SAE1: variants seen among roughly 807,000 people sequenced by gnomAD.
SAE1 encodes SUMO-activating enzyme subunit 1.
Under a neutral mutation model 40.6 loss-of-function variants are expected in SAE1, and 11 were observed. That is an observed-to-expected ratio of 0.27 (90% confidence interval 0.17 to 0.45). The LOEUF (loss-of-function observed/expected upper bound fraction) is 0.45, where lower values mean the gene tolerates loss of function less well. SAE1 is among the 20% of genes least tolerant of loss of function. The pLI is 1.00. For missense variants in SAE1, 373 were observed against 427.3 expected, an observed-to-expected ratio of 0.87 and a Z score of 1.12; for synonymous variants, 155 against 154.3, an observed-to-expected ratio of 1.00 and a Z score of -0.03.
chr19:47,137,869 C>T (rs1376564849), intron 1 of SAE1, among the ~76,000 whole-genome samples: 1 of 151,774 alleles, frequency 6.6e-6, no homozygotes, highest in Admixed American at 6.6e-5. Flanking sequence ...GCTCGGATTA[C>T]AGGCGCGTGC....
At chr19:47,154,014 C>T (rs2058304333) in intron 4 of SAE1, among the ~76,000 whole-genome samples, 1 of 151,992 alleles carries the variant, frequency 6.6e-6, no homozygotes, top group South Asian at 2.1e-4. Flanking sequence ...TGGTCTTGAA[C>T]TCCGGACCTC....
chr19:47,196,850 AATT>A (rs1430150658), intron 6 of SAE1, among the ~76,000 whole-genome samples: 1 of 151,814 alleles, frequency 6.6e-6, no homozygotes, highest in Non-Finnish European at 1.5e-5. Flanking sequence ...TTGCTTTTAT[AATT>A]ATTGGATTGC....
At chr19:47,144,159 CTCTG>C (rs962087207) in intron 2 of SAE1, among the ~76,000 whole-genome samples, 15 of 151,928 alleles carry the variant, frequency 9.9e-5, no homozygotes, top group Admixed American at 3.9e-4. Flanking sequence ...CATGGCAAAA[CTCTG>C]TCTGTACTCA....
At chr19:47,206,079 G>T (rs988831624) in intron 8 of SAE1, among the ~76,000 whole-genome samples, 2 of 152,222 alleles carry the variant, frequency 1.3e-5, no homozygotes, top group African/African-American at 4.8e-5. Context: ...GGGGCAGGTA[G>T]CCTTGACCCC....
intron 5 of SAE1, among the ~76,000 whole-genome samples, chr19:47,160,286 ATC>A (rs2058351415): frequency 7.5e-6 from 1 of 134,032 alleles, no homozygotes; most frequent in Non-Finnish European, 1.5e-5. Flanking sequence ...CAATGGTGCG[ATC>A]TCGGCTCACT....
chr19:47,162,725 T>A (rs527866648), intron 5 of SAE1, among the ~76,000 whole-genome samples: 28 of 152,300 alleles, frequency 1.8e-4, no homozygotes, highest in South Asian at 6.2e-4. Flanking sequence ...GTGCAGTGGC[T>A]CATGCCTGTA....
chr19:47,160,830 A>T (rs536088075), intron 5 of SAE1, among the ~76,000 whole-genome samples: 1 of 152,262 alleles, frequency 6.6e-6, no homozygotes, highest in East Asian at 1.9e-4. Context: ...CTCCTGGCCA[A>T]TCCTGCTAAT....
intron 6 of SAE1, among the ~76,000 whole-genome samples, chr19:47,186,972 C>G (rs1265712112): frequency 6.6e-6 from 1 of 152,160 alleles, no homozygotes; most frequent in African/African-American, 2.4e-5. Context: ...CTGGGGCTGT[C>G]TGGGTCGCTT....
At chr19:47,137,541 TGCAGTGAC>T (rs1430971916) in intron 1 of SAE1, among the ~76,000 whole-genome samples, 9 of 152,138 alleles carry the variant, frequency 5.9e-5, no homozygotes, top group African/African-American at 2.2e-4. Flanking sequence ...CAGGCTGGAG[TGCAGTGAC>T]GCAGTGACGT....
Position 47,209,301 on chromosome 19 carries a change from T to C in SAE1, c.*50T>C, listed in dbSNP as rs1227814994. Reference sequence around the variant, plus strand: ...ATGCCAACTGCAGCATGCCCACCTGTATTCCCTGTCCCCTTCCTTCATGAA... The same window carrying C: ...ATGCCAACTGCAGCATGCCCACCTGCATTCCCTGTCCCCTTCCTTCATGAA... On this transcript the variant is annotated 3_prime_UTR_variant, in exon 9 of 9. Transcript: ENST00000270225. 1.2e-6 allele frequency: 2 copies of C among 1,613,948 alleles called. No individual in the cohort carries two copies. The highest frequency in any genetic ancestry group is 3.3e-5 in the Admixed American group (2 of 59,980).
chr19:47,191,748 G>A (rs1241557678), intron 6 of SAE1, among the ~76,000 whole-genome samples: 7 of 151,890 alleles, frequency 4.6e-5, no homozygotes, highest in Non-Finnish European at 5.9e-5. Context: ...TTCATCTTTT[G>A]GTTTGAAAAC....
chr19:47,208,802 C>G (rs1263095018), intron 8 of SAE1, among the ~76,000 whole-genome samples: 1 of 152,206 alleles, frequency 6.6e-6, no homozygotes, highest in Admixed American at 6.5e-5. Context: ...AGTGATTCTC[C>G]CACCTCAGCC....
intron 6 of SAE1, among the ~76,000 whole-genome samples, chr19:47,175,589 T>G (rs1488042516): frequency 6.6e-6 from 1 of 151,988 alleles, no homozygotes; most frequent in Non-Finnish European, 1.5e-5. Flanking sequence ...AACACAAAAA[T>G]TAGCCAGGCA....
chr19:47,191,615 G>C (rs538903002), intron 6 of SAE1, among the ~76,000 whole-genome samples: 1 of 152,258 alleles, frequency 6.6e-6, no homozygotes, highest in African/African-American at 2.4e-5. Context: ...ACAGTGGCAG[G>C]AACCCTGTGC....
rs538020690 is a variant in SAE1, at chr19:47,138,280, G to A, written c.99-5214G>A. 9.9e-5 allele frequency among the ~76,000 whole-genome samples: 15 copies of A among 152,206 alleles called. No homozygotes were observed. The South Asian group carries it at 3.1e-3, about 32-fold the overall frequency. ...GGTGGTCTTGAACTCCTGACCTCAG[G>A]TGATCTACCCGCCTCAGCCTCCTTA... On this transcript the variant is annotated intron_variant, in intron 1 of 8. Coordinates refer to ENST00000270225, the MANE Select transcript of SAE1 (RefSeq NM_005500.3).
intron 6 of SAE1, among the ~76,000 whole-genome samples, chr19:47,170,605 T>G (rs1363706749): frequency 6.6e-6 from 1 of 151,142 alleles, no homozygotes; most frequent in Non-Finnish European, 1.5e-5. Context: ...TTCCTGGGCT[T>G]AAGTGCTCCC....
chr19:47,199,176 G>A (rs1457145362), intron 7 of SAE1, among the ~76,000 whole-genome samples: 1 of 151,988 alleles, frequency 6.6e-6, no homozygotes, highest in African/African-American at 2.4e-5. Context: ...CATGAGGTCA[G>A]GAGATTGAGA....
chr19:47,205,973 C>A lies in SAE1; in HGVS notation c.948+2233C>A, dbSNP rs2058684697. On this transcript the variant is annotated intron_variant, in intron 8 of 8. Coordinates refer to ENST00000270225, the MANE Select transcript of SAE1 (RefSeq NM_005500.3). The stretch of plus-strand genomic sequence containing the variant: ...ACCATCATGTAGAGACTGCATGGAC[C>A]CCAGGGCCGCTGCCCTTGCATTGTC... Among the ~76,000 whole-genome samples, 4 of 152,194 alleles carry A rather than the reference C, an allele frequency of 2.6e-5. No homozygotes were observed. In the South Asian group the frequency reaches 8.3e-4, roughly 32 times the overall value.
chr19:47,156,500 CTGTT>C (rs2058325775), intron 5 of SAE1, among the ~76,000 whole-genome samples: 1 of 151,950 alleles, frequency 6.6e-6, no homozygotes, highest in African/African-American at 2.4e-5. Flanking sequence ...TTTTCTTTGC[CTGTT>C]TTTTTCCTTT....
Sources: allele counts gnomAD v4.1 joint callset (sites outside exome capture counted in the v4.1 genomes callset), GRCh38; gene constraint gnomAD v4.1.1; transcripts MANE v1.5; gene names NCBI Gene and HGNC (gene_info 2026-07-23, HGNC 2026-07-21).